The following NDST1 variants were observed in gnomAD, a reference collection of about 807,000 sequenced individuals.
NDST1 encodes N-deacetylase and N-sulfotransferase 1.
NDST1 carries 35 observed loss-of-function variants against 92.8 expected under a neutral mutation model. The ratio of observed to expected loss-of-function variants is 0.38; its 90% CI spans 0.29 to 0.50. The LOEUF (loss-of-function observed/expected upper bound fraction) is 0.50. NDST1 is among the 20% of genes least tolerant of loss of function. The pLI, the probability that NDST1 is intolerant of heterozygous loss-of-function variation, is 0.94. For missense variants in NDST1, 822 were observed against 1,182.7 expected (o/e 0.69, Z 4.47); for synonymous variants, 493 against 500.3 (o/e 0.99, Z 0.19).
At chr5:150,517,232 C>G (rs904436395) in intron 1 of NDST1, among the ~76,000 whole-genome samples, 2 of 151,830 alleles carry the variant, frequency 1.3e-5, no homozygotes, top group Non-Finnish European at 2.9e-5. Flanking sequence ...GCCACTGTAG[C>G]CTTGACCTCA....
At chr5:150,517,503 A>G (rs762972331) in intron 1 of NDST1, among the ~76,000 whole-genome samples, 12 of 152,196 alleles carry the variant, frequency 7.9e-5, no homozygotes, top group Non-Finnish European at 1.5e-4. Context: ...CCCAGAGTCC[A>G]TAGTTTACTT....
intron 10 of NDST1, among the ~76,000 whole-genome samples, chr5:150,543,636 T>A (rs527932588): frequency 1.3e-5 from 2 of 152,380 alleles, no homozygotes; most frequent in Admixed American, 1.3e-4. Flanking sequence ...TCGAGGTGGG[T>A]ACACCTCACA....
intron 12 of NDST1, among the ~76,000 whole-genome samples, chr5:150,548,946 C>T (rs1755607986): frequency 6.6e-6 from 1 of 152,204 alleles, no homozygotes; most frequent in African/African-American, 2.4e-5. Flanking sequence ...CTGAGGCAGG[C>T]AGGTGGGAGC....
At chr5:150,533,388 C>T (rs185492093) in intron 4 of NDST1, among the ~76,000 whole-genome samples, 1 of 152,364 alleles carries the variant, frequency 6.6e-6, no homozygotes, top group East Asian at 1.9e-4. Flanking sequence ...AAGAACATTA[C>T]AGAAACATGT....
At chr5:150,512,539 C>T (rs1238252125) in intron 1 of NDST1, among the ~76,000 whole-genome samples, 1 of 152,220 alleles carries the variant, frequency 6.6e-6, no homozygotes, top group African/African-American at 2.4e-5. Context: ...GTTCCGCACT[C>T]CCAGAAAGAT....
intron 3 of NDST1, among the ~76,000 whole-genome samples, chr5:150,528,547 T>C (rs1754574571): frequency 6.6e-6 from 1 of 152,016 alleles, no homozygotes; most frequent in Non-Finnish European, 1.5e-5. Context: ...TCCCAGCACT[T>C]TGGGAGGCTG....
intron 6 of NDST1, 139 bp downstream of exon 6, chr5:150,536,024 G>A: frequency 2.0e-6 from 2 of 998,044 alleles, no homozygotes; most frequent in Admixed American, 2.0e-5. Flanking sequence ...GCCTCCTCTG[G>A]CACCCGAGGC....
intron 11 of NDST1, 28 bp from the exon 12 acceptor site, chr5:150,548,190 C>T (rs1484793140): frequency 1.2e-6 from 2 of 1,613,926 alleles, no homozygotes; most frequent in African/African-American, 1.3e-5. Flanking sequence ...CTCCAAGTGG[C>T]ATGCTGACCC....
intron 2 of NDST1, among the ~76,000 whole-genome samples, chr5:150,522,182 G>C (rs1248246359): frequency 6.6e-6 from 1 of 152,130 alleles, no homozygotes. Flanking sequence ...AGGTTTTGCA[G>C]CCTGTAAGTG....
chr5:150,533,117 G>C lies in NDST1; in HGVS notation c.1096+85G>C, dbSNP rs1754818168. On this transcript the variant is annotated intron_variant, in intron 4 of 14. Coordinates refer to ENST00000261797, the MANE Select transcript of NDST1 (RefSeq NM_001543.5). ...CTCAAAGCACCCATCCATGAGGGCA[G>C]CGGGTGGGTTTACTGGCCCACATTA... 9 of 1,358,530 alleles carry C rather than the reference G, an allele frequency of 6.6e-6. No homozygotes were observed. The South Asian group carries it at 1.0e-4, about 16-fold the overall frequency. The allele number at this position is 1,358,530 out of a possible 1,614,324, so 84.2% of individuals were successfully genotyped here. A position where few individuals can be genotyped will look rare whatever the true frequency, so the allele number is the denominator to read the frequency against.
intron 11 of NDST1, among the ~76,000 whole-genome samples, chr5:150,545,883 A>G (rs1021242844): frequency 2.0e-5 from 3 of 152,056 alleles, no homozygotes; most frequent in Non-Finnish European, 4.4e-5. Context: ...TGCCATTCAC[A>G]GTGGAGAAGG....
At chr5:150,518,411 C>G (rs1373845572) in intron 1 of NDST1, among the ~76,000 whole-genome samples, 1 of 151,918 alleles carries the variant, frequency 6.6e-6, no homozygotes, top group African/African-American at 2.4e-5. Context: ...GGTGAAGGAG[C>G]CCCCGGAGAT....
At chr5:150,538,794 C>T (rs1218106640) in intron 6 of NDST1, among the ~76,000 whole-genome samples, 1 of 152,172 alleles carries the variant, frequency 6.6e-6, no homozygotes, top group Admixed American at 6.5e-5. Context: ...TCCCTGCTCC[C>T]TTGGAGCTCA....
At position 150,542,950 on chromosome 5, in the gene NDST1, A is replaced by G. The variant is rs1325383302; in HGVS notation, c.1949A>G (p.Asn650Ser). The stretch of plus-strand genomic sequence containing the variant: ...GAGATCCAGTTTTTTAATGGCCACA[A>G]CTATCACAAAGGCATCGACTGGTGA... ...FEEIQFFNGH[N>S]YHKGIDWYME... Residue 650 changes from asparagine (N) to serine (S), a missense_variant, in exon 10 of 15, where the codon AAC (asparagine) becomes AGC (serine). Asn to Ser is a conservative substitution (Grantham distance 46). Transcript: ENST00000261797. 2.5e-6 allele frequency: 4 copies of G among 1,613,892 alleles called. No individual in the cohort carries two copies. The highest frequency in any genetic ancestry group is 3.4e-6 in the Non-Finnish European group (4 of 1,179,916).
intron 1 of NDST1, among the ~76,000 whole-genome samples, chr5:150,515,264 GTGCCCAGTGTCACCAGAACT>G (rs1348150376): frequency 6.6e-6 from 1 of 152,262 alleles, no homozygotes; most frequent in African/African-American, 2.4e-5. Flanking sequence ...GTGAGGATGT[GTGCCCAGTGTCACCAGAACT>G]TGCCCTCTTT....
chr5:150,542,432 G>T (rs765840393), intron 9 of NDST1, among the ~76,000 whole-genome samples: 22 of 152,302 alleles, frequency 1.4e-4, no homozygotes, highest in South Asian at 4.1e-4. Flanking sequence ...GAACTGCAGG[G>T]TGACAAACTC....
intron 1 of NDST1, among the ~76,000 whole-genome samples, chr5:150,500,084 C>G (rs990936249): frequency 2.0e-4 from 31 of 152,346 alleles, no homozygotes; most frequent in Admixed American, 9.8e-4. Flanking sequence ...TTAACTCATT[C>G]AATTGAAATC....
chr5:150,517,777 C>T (rs1754048193), intron 1 of NDST1, among the ~76,000 whole-genome samples: 1 of 152,264 alleles, frequency 6.6e-6, no homozygotes, highest in Admixed American at 6.5e-5. Context: ...CATTCACACT[C>T]TGAAAGATTG....
chr5:150,499,479 G>A (rs767998423), intron 1 of NDST1, among the ~76,000 whole-genome samples: 2 of 152,196 alleles, frequency 1.3e-5, no homozygotes, highest in Non-Finnish European at 2.9e-5. Context: ...CTAAGGCAGC[G>A]GGTGTAAGGG....
Sources: allele counts gnomAD v4.1 joint callset (sites outside exome capture counted in the v4.1 genomes callset), GRCh38; gene constraint gnomAD v4.1.1; transcripts MANE v1.5; gene names NCBI Gene and HGNC (gene_info 2026-07-23, HGNC 2026-07-21).